Variants in DCC observed in about 807,000 individuals in gnomAD.
The protein encoded by DCC is DCC netrin 1 receptor.
DCC carries 58 observed loss-of-function variants against 172.5 expected under a neutral mutation model. The observed-to-expected ratio is 0.34, with a 90% CI of 0.27 to 0.42. The LOEUF (loss-of-function observed/expected upper bound fraction) is 0.42, where lower values mean the gene tolerates loss of function less well. Ranked by LOEUF, DCC falls within the 10% of genes least tolerant of loss-of-function variation. The probability of loss-of-function intolerance (pLI) is 1.00; values close to 1 mark genes in which losing one functional copy is unlikely to be tolerated. For missense variants in DCC, 1,740 were observed against 1,791.0 expected, an observed-to-expected ratio of 0.97 and a Z score of 0.51; for synonymous variants, 709 against 644.5, an observed-to-expected ratio of 1.10 and a Z score of -1.52.
chr18:52,895,537 T>C (rs1274846794), intron 2 of DCC, among the ~76,000 whole-genome samples: 3 of 152,208 alleles, frequency 2.0e-5, no homozygotes, highest in African/African-American at 7.2e-5. Context: ...TTTAAAGATA[T>C]GCTTGTTTTA....
chr18:52,742,324 T>C (rs2036835725), intron 1 of DCC, among the ~76,000 whole-genome samples: 2 of 152,192 alleles, frequency 1.3e-5, no homozygotes, highest in East Asian at 3.9e-4. Context: ...TTCCTTTCCC[T>C]CTTGATTTTC....
At chr18:52,702,364 C>T (rs551866019) in intron 1 of DCC, among the ~76,000 whole-genome samples, 118 of 152,232 alleles carry the variant, frequency 7.8e-4, no homozygotes, top group African/African-American at 2.6e-3. Flanking sequence ...CTCTTACCTC[C>T]TTTGAAAGCC....
intron 5 of DCC, among the ~76,000 whole-genome samples, chr18:53,026,912 A>T (rs187562432): frequency 6.6e-6 from 1 of 152,118 alleles, no homozygotes; most frequent in East Asian, 1.9e-4. Flanking sequence ...ATGAAGATCT[A>T]GAAGGGTATT....
At chr18:53,408,835 A>G (rs1909822444) in intron 19 of DCC, among the ~76,000 whole-genome samples, 1 of 152,196 alleles carries the variant, frequency 6.6e-6, no homozygotes, top group South Asian at 2.1e-4. Flanking sequence ...AGTTTTCAGC[A>G]TTGTTCAAAA....
At chr18:52,739,372 G>C (rs185592356) in intron 1 of DCC, among the ~76,000 whole-genome samples, 1 of 152,120 alleles carries the variant, frequency 6.6e-6, no homozygotes, top group Non-Finnish European at 1.5e-5. Context: ...TATTCAACAG[G>C]TATTTGTTAA....
intron 2 of DCC, among the ~76,000 whole-genome samples, chr18:52,806,541 C>CT (rs2038087377): frequency 6.6e-6 from 1 of 152,170 alleles, no homozygotes; most frequent in Non-Finnish European, 1.5e-5. Flanking sequence ...GAAGCAGAAG[C>CT]TGGGATCACA....
intron 7 of DCC, among the ~76,000 whole-genome samples, chr18:53,069,292 C>T (rs2042620362): frequency 6.6e-6 from 1 of 152,162 alleles, no homozygotes; most frequent in Non-Finnish European, 1.5e-5. Context: ...TGGCTGGAAA[C>T]CACCTGGAGC....
intron 24 of DCC, among the ~76,000 whole-genome samples, chr18:53,467,279 T>C (rs2045633667): frequency 6.6e-6 from 1 of 152,134 alleles, no homozygotes; most frequent in Admixed American, 6.6e-5. Flanking sequence ...TTTTAATACG[T>C]ATTATAATTA....
At chr18:53,012,928 C>T (rs1164268281) in intron 5 of DCC, among the ~76,000 whole-genome samples, 2 of 152,056 alleles carry the variant, frequency 1.3e-5, no homozygotes, top group Non-Finnish European at 2.9e-5. Context: ...TGAACAGACA[C>T]TTCTCAAAAG....
chr18:52,435,466 G>C (rs1787748), intron 1 of DCC, among the ~76,000 whole-genome samples: 81,041 of 151,948 alleles, frequency 0.53, 23,062 homozygotes, highest in African/African-American at 0.73. Context: ...AGAGCCTCGG[G>C]TGGATGGGAC....
intron 2 of DCC, among the ~76,000 whole-genome samples, chr18:52,880,634 T>C (rs1285532878): frequency 6.6e-6 from 1 of 152,204 alleles, no homozygotes; most frequent in African/African-American, 2.4e-5. Context: ...GTGTCTGAGT[T>C]ATTTCACTTA....
chr18:52,459,892 TATATATACACAC>T (rs949394231), intron 1 of DCC, among the ~76,000 whole-genome samples: 50 of 151,208 alleles, frequency 3.3e-4, no homozygotes, highest in African/African-American at 1.1e-3. Context: ...CATATATATA[TATATATACACAC>T]ATATATATAC....
At position 52,847,726 on chromosome 18, in the gene DCC, CA is replaced by C. The variant is rs376218411; in HGVS notation, c.413-58317del. ...CTGACTATTAGTTTCCTGGTTAGAC[CA>C]TTGGATCAAGGTTTATTACTCCAAC... On this transcript the variant is annotated intron_variant, in intron 2 of 28. Transcript: ENST00000442544. Among the ~76,000 whole-genome samples the C allele has an allele frequency of 7.6e-4, 115 of 152,208 alleles. 1 individual carries two copies. The highest frequency in any genetic ancestry group is 2.5e-3 in the African/African-American group (105 of 41,526).
intron 5 of DCC, among the ~76,000 whole-genome samples, chr18:53,009,942 T>A (rs757218494): frequency 6.6e-6 from 1 of 151,964 alleles, no homozygotes; most frequent in Non-Finnish European, 1.5e-5. Flanking sequence ...TCTAGGTAGA[T>A]GCGATGAAGC....
chr18:53,401,306 C>G (rs1328466755), intron 18 of DCC, among the ~76,000 whole-genome samples: 1 of 152,146 alleles, frequency 6.6e-6, no homozygotes, highest in Non-Finnish European at 1.5e-5. Flanking sequence ...CCCTCCTCTT[C>G]TAATTCTCTT....
At chr18:53,048,723 G>T (rs920605229) in intron 5 of DCC, among the ~76,000 whole-genome samples, 2 of 151,174 alleles carry the variant, frequency 1.3e-5, no homozygotes, top group African/African-American at 4.9e-5. Context: ...TGATGGGATT[G>T]CTAAGTCAAA....
intron 15 of DCC, among the ~76,000 whole-genome samples, chr18:53,355,983 G>C (rs1284633182): frequency 6.6e-6 from 1 of 152,006 alleles, no homozygotes; most frequent in Non-Finnish European, 1.5e-5. Context: ...TCTTCACATA[G>C]TTTTTCTTTC....
chr18:53,437,833 G>T (rs937752477), intron 22 of DCC, among the ~76,000 whole-genome samples: 1 of 152,194 alleles, frequency 6.6e-6, no homozygotes, highest in Non-Finnish European at 1.5e-5. Flanking sequence ...CTCAGCGAGT[G>T]CAGGGCACTT....
chr18:53,364,856 A>C (rs991097207), intron 15 of DCC, among the ~76,000 whole-genome samples: 9 of 152,148 alleles, frequency 5.9e-5, no homozygotes, highest in African/African-American at 2.2e-4. Context: ...ATGTGCACAC[A>C]TGCACACATA....
Sources: gnomAD v4.1 joint callset for allele counts (sites outside exome capture counted in the v4.1 genomes callset) on GRCh38, gnomAD v4.1.1 for gene constraint, MANE v1.5 for transcripts, NCBI Gene and HGNC (gene_info 2026-07-23, HGNC 2026-07-21) for gene names.